BARX2: variants seen among roughly 807,000 people sequenced by gnomAD.
The protein encoded by BARX2 is homeobox protein BarH-like 2.
Under a neutral mutation model 25.5 loss-of-function variants are expected in BARX2, and 11 were observed. That is an observed-to-expected ratio of 0.43 (90% CI 0.27 to 0.71). BARX2 has a LOEUF of 0.71. BARX2 is among the 30% of genes least tolerant of loss of function. BARX2 has a pLI of 0.19. For synonymous variants in BARX2, 137 were observed against 149.5 expected, an observed-to-expected ratio of 0.92 and a Z score of 0.61; for missense variants, 360 against 359.9, an observed-to-expected ratio of 1.00 and a Z score of 0.00.
chr11:129,442,122 TTTAA>T (rs1302713975), intron 2 of BARX2, among the ~76,000 whole-genome samples: 1 of 152,262 alleles, frequency 6.6e-6, no homozygotes. Context: ...TTTATAACAT[TTTAA>T]TTGTTATAAC....
chr11:129,426,935 A>G (rs1441082672), intron 1 of BARX2, among the ~76,000 whole-genome samples: 1 of 152,016 alleles, frequency 6.6e-6, no homozygotes, highest in Non-Finnish European at 1.5e-5. Flanking sequence ...GTCTCGGTAT[A>G]TGGCTGCAAG....
intron 2 of BARX2, among the ~76,000 whole-genome samples, chr11:129,439,934 G>GTTC (rs1431919190): frequency 6.6e-6 from 1 of 151,610 alleles, no homozygotes; most frequent in Non-Finnish European, 1.5e-5. Flanking sequence ...AGAAATATTA[G>GTTC]TTCTTCTTAA....
intron 2 of BARX2, among the ~76,000 whole-genome samples, chr11:129,440,678 G>A (rs1473118772): frequency 6.6e-6 from 1 of 152,222 alleles, no homozygotes; most frequent in Non-Finnish European, 1.5e-5. Flanking sequence ...GGAAGACTCT[G>A]TGTATTATTG....
At chr11:129,422,772 C>T (rs959781743) in intron 1 of BARX2, among the ~76,000 whole-genome samples, 6 of 149,284 alleles carry the variant, frequency 4.0e-5, no homozygotes, top group East Asian at 2.0e-4. Flanking sequence ...GGCACCATCT[C>T]GGCTCACGGA....
chr11:129,397,395 G>A (rs530681983), intron 1 of BARX2, among the ~76,000 whole-genome samples: 1 of 152,272 alleles, frequency 6.6e-6, no homozygotes, highest in Admixed American at 6.5e-5. Context: ...TTTGTGCACA[G>A]GAGATTGTAT....
rs1405730508 is a variant in BARX2, at chr11:129,448,928, TCA to T, written c.574-2205_574-2204del. Among the ~76,000 whole-genome samples, 5 of 152,304 alleles carry T rather than the reference TCA, an allele frequency of 3.3e-5. No homozygotes were observed. In the East Asian group the frequency reaches 9.6e-4, roughly 29 times the overall value. ...CATTATGCTAAGTGAAAGAAGCCAGTCACAAAAGTGCACATATTATATGATTC... is the reference window on the plus strand; with the variant it reads ...CATTATGCTAAGTGAAAGAAGCCAGTCAAAAGTGCACATATTATATGATTC... On this transcript the variant is annotated intron_variant, in intron 3 of 3. Coordinates refer to ENST00000281437, the MANE Select transcript of BARX2 (RefSeq NM_003658.5).
In BARX2 at chr11:129,446,295, C is replaced by T. The variant is rs554576513; in HGVS notation, c.573+3376C>T. Among the ~76,000 whole-genome samples the T allele has an allele frequency of 1.2e-4, 18 of 152,222 alleles. No homozygotes were observed. In the East Asian group the frequency reaches 3.3e-3, roughly 28 times the overall value. ...CCTTTCTCTCCTAGTGACAGAATTGCGTGGGCCCCACACTATTCATGGTCA... is the reference window on the plus strand; with the variant it reads ...CCTTTCTCTCCTAGTGACAGAATTGTGTGGGCCCCACACTATTCATGGTCA... On this transcript the variant is annotated intron_variant, in intron 3 of 3. Coordinates refer to ENST00000281437, the MANE Select transcript of BARX2 (RefSeq NM_003658.5).
chr11:129,419,593 A>G (rs1689212343), intron 1 of BARX2, among the ~76,000 whole-genome samples: 1 of 152,128 alleles, frequency 6.6e-6, no homozygotes, highest in African/African-American at 2.4e-5. Flanking sequence ...ATGTATGTGC[A>G]AAGTCCAGCC....
rs1309787939 is a variant in BARX2 at position 129,390,626 on chromosome 11, T to C, written c.187+14404T>C. Among the ~76,000 whole-genome samples, 3 of 152,128 alleles carry C rather than the reference T, an allele frequency of 2.0e-5. No homozygotes were observed. In the East Asian group the frequency reaches 5.8e-4, roughly 29 times the overall value. ...AGGGATCCAAATGCTTACTCAGCAT[T>C]TGTTGTCTCCAAGAGAAAAACAAAT... is the stretch of plus-strand genomic sequence containing the variant. On this transcript the variant is annotated intron_variant, in intron 1 of 3. Transcript: ENST00000281437. The surrounding 1 kb of genome is among the most constrained non-coding windows in gnomAD (Gnocchi z 4.3).
At chr11:129,437,364 C>A in intron 2 of BARX2, 1 of 846,246 alleles carries the variant, frequency 1.2e-6, no homozygotes, top group Non-Finnish European at 1.5e-6. Context: ...AGCTGGGAAA[C>A]AGGCTTGGTT....
intron 1 of BARX2, among the ~76,000 whole-genome samples, chr11:129,415,327 G>A (rs572375147): frequency 6.6e-6 from 1 of 152,156 alleles, no homozygotes; most frequent in South Asian, 2.1e-4. Context: ...TCTCCTCATG[G>A]CCCTTTCTCC....
At chr11:129,442,546 G>A (rs1302325802) in intron 2 of BARX2, among the ~76,000 whole-genome samples, 5 of 152,226 alleles carry the variant, frequency 3.3e-5, no homozygotes, top group East Asian at 1.9e-4. Flanking sequence ...ACTGTGTGAT[G>A]AGAAGCCCCA....
At chr11:129,415,038 T>G (rs1191572614) in intron 1 of BARX2, among the ~76,000 whole-genome samples, 1 of 152,236 alleles carries the variant, frequency 6.6e-6, no homozygotes, top group South Asian at 2.1e-4. Flanking sequence ...GTTAATTTAT[T>G]TCACTTTTTA....
At chr11:129,380,780 G>T (rs1305701497) in intron 1 of BARX2, among the ~76,000 whole-genome samples, 4 of 151,376 alleles carry the variant, frequency 2.6e-5, no homozygotes, top group Admixed American at 2.6e-4. Context: ...CTACTCTTTT[G>T]CTAGAGATAC....
At chr11:129,391,444 G>A (rs888139627) in intron 1 of BARX2, among the ~76,000 whole-genome samples, 4 of 152,148 alleles carry the variant, frequency 2.6e-5, no homozygotes, top group African/African-American at 4.8e-5. Flanking sequence ...CTAAAATATT[G>A]ACTTGCTGGC....
rs537504574 is a variant in BARX2 at position 129,418,770 on chromosome 11, C to T, written c.188-17981C>T. 3.3e-5 allele frequency among the ~76,000 whole-genome samples: 5 copies of T among 152,246 alleles called. No homozygotes were observed. The East Asian group carries it at 9.7e-4, about 29-fold the overall frequency. On this transcript the variant is annotated intron_variant, in intron 1 of 3. Transcript: ENST00000281437. ...AGTATAACGAACGCCTGGCATAGCT[C>T]ATTATTAACACACCCTACAAGGTTT...
At chr11:129,420,297 A>T (rs977988038) in intron 1 of BARX2, among the ~76,000 whole-genome samples, 24 of 152,194 alleles carry the variant, frequency 1.6e-4, no homozygotes, top group African/African-American at 5.1e-4. Context: ...GCTCTCCCAA[A>T]AATAGACCAC....
At chr11:129,400,970 A>G (rs1237034709) in intron 1 of BARX2, among the ~76,000 whole-genome samples, 1 of 152,226 alleles carries the variant, frequency 6.6e-6, no homozygotes, top group Non-Finnish European at 1.5e-5. Context: ...ATCCAATGAG[A>G]TAAAGACTGA....
intron 1 of BARX2, among the ~76,000 whole-genome samples, chr11:129,382,444 G>T (rs1276879336): frequency 6.6e-6 from 1 of 152,180 alleles, no homozygotes; most frequent in Non-Finnish European, 1.5e-5. Flanking sequence ...CTCCTGAAGT[G>T]CTGGGATTAC....
Sources: gnomAD v4.1 joint callset for allele counts (sites outside exome capture counted in the v4.1 genomes callset) on GRCh38, gnomAD v4.1.1 for gene constraint, Gnocchi (gnomAD v3.1) non-coding constraint, MANE v1.5 for transcripts, NCBI Gene and HGNC (gene_info 2026-07-23, HGNC 2026-07-21) for gene names.